The following VPS13C variants were observed in gnomAD, a reference collection of about 807,000 sequenced individuals.
The protein encoded by VPS13C is vacuolar protein sorting 13 homolog C, also known as intermembrane lipid transfer protein VPS13C.
A neutral mutation model predicts 456.8 loss-of-function variants in VPS13C; 358 were observed. The ratio of observed to expected loss-of-function variants is 0.78; its 90% confidence interval spans 0.72 to 0.86. The LOEUF is 0.86. Ranked by LOEUF, VPS13C falls within the 40% of genes least tolerant of loss-of-function variation. The probability of loss-of-function intolerance (pLI) is 0.00; values close to 1 mark genes in which losing one functional copy is unlikely to be tolerated. For synonymous variants in VPS13C, 1,578 were observed against 1,486.7 expected, an observed-to-expected ratio of 1.06 and a Z score of -1.41; for missense variants, 4,818 against 4,385.4, an observed-to-expected ratio of 1.10 and a Z score of -2.79.
At chr15:61,935,868 G>A (rs1000336739) in intron 48 of VPS13C, 3 of 152,134 alleles carry the variant, frequency 2.0e-5, no homozygotes, top group Non-Finnish European at 4.4e-5. Flanking sequence ...ACAGCTGATG[G>A]TATGAGAGCA....
In VPS13C at chr15:62,002,403, T is replaced by C. The variant is rs535785861; in HGVS notation, c.1291-1777A>G. Among the ~76,000 whole-genome samples, 18 of 152,318 alleles carry C rather than the reference T, an allele frequency of 1.2e-4. No individual in the cohort carries two copies. The East Asian group carries it at 1.9e-3, about 16-fold the overall frequency. ...CTTGTAAATTTGTTTGAGTTCATTA[T>C]AGATTCTGGATATTAGTCCTTTGTT... On this transcript the variant is annotated intron_variant, in intron 15 of 84. Transcript: ENST00000644861.
At chr15:61,970,800 T>C (rs1030199700) in intron 27 of VPS13C, among the ~76,000 whole-genome samples, 2 of 150,998 alleles carry the variant, frequency 1.3e-5, no homozygotes, top group African/African-American at 4.9e-5. Flanking sequence ...TGCTGTCTTG[T>C]CTTGGGTGGT....
At chr15:61,958,763 G>C in intron 36 of VPS13C, 47 bp from the exon 37 acceptor site, 1 of 1,019,552 alleles carries the variant, frequency 9.8e-7, no homozygotes, top group Non-Finnish European at 1.4e-6. Context: ...GTTTTAAAAT[G>C]AAACAATTTT....
chr15:62,037,263 T>A (rs367850653), intron 3 of VPS13C, among the ~76,000 whole-genome samples: 301 of 25,420 alleles, frequency 0.012, 18 homozygotes, highest in East Asian at 0.11. Context: ...TTATATATAT[T>A]ATATTATATA....
At chr15:61,896,754 C>T (rs1354093247) in intron 66 of VPS13C, among the ~76,000 whole-genome samples, 1 of 152,238 alleles carries the variant, frequency 6.6e-6, no homozygotes, top group Non-Finnish European at 1.5e-5. Flanking sequence ...CCCACCACAG[C>T]TCAAGGAGGC....
At chr15:61,954,290 T>C (rs2044906056) in intron 38 of VPS13C, 131 bp downstream of exon 38, 3 of 942,832 alleles carry the variant, frequency 3.2e-6, no homozygotes, top group East Asian at 2.8e-5. Context: ...TTTTAAAACA[T>C]CACTGCTACA....
chr15:61,854,987 T>A, intron 83 of VPS13C, 33 bp from the exon 84 acceptor site: 2 of 1,559,260 alleles, frequency 1.3e-6, no homozygotes, highest in Non-Finnish European at 1.7e-6. Flanking sequence ...AGAAAAGAAA[T>A]TATTCTGAGG....
chr15:62,011,755 G>C (rs1351256566), intron 12 of VPS13C, among the ~76,000 whole-genome samples: 1 of 151,930 alleles, frequency 6.6e-6, no homozygotes, highest in African/African-American at 2.4e-5. Context: ...AGGGTGACCT[G>C]AATACCAGAA....
At chr15:61,959,657 A>G (rs2045129214) in intron 35 of VPS13C, 62 bp from the exon 36 acceptor site, 1 of 1,537,708 alleles carries the variant, frequency 6.5e-7, no homozygotes, top group African/African-American at 1.4e-5. Flanking sequence ...ACATATTAAA[A>G]AAAAGCAAAG....
intron 73 of VPS13C, among the ~76,000 whole-genome samples, 166 bp downstream of exon 73, chr15:61,880,443 T>C (rs2140902125): frequency 6.6e-6 from 1 of 152,270 alleles, no homozygotes; most frequent in Non-Finnish European, 1.5e-5. Flanking sequence ...GTGGGAATTG[T>C]GGCTGCACAT....
chr15:61,873,721 G>A (rs947079108), intron 77 of VPS13C, among the ~76,000 whole-genome samples: 2 of 151,842 alleles, frequency 1.3e-5, no homozygotes, highest in Admixed American at 1.3e-4. Context: ...CACTGAGAGT[G>A]GAAATATAAC....
Position 61,863,535 on chromosome 15 carries a change from A to G in VPS13C, c.10864-7T>C. 1 of 1,603,356 alleles carries G rather than the reference A, an allele frequency of 6.2e-7. No individual in the cohort carries two copies. Among genetic ancestry groups the G allele is most frequent in the Non-Finnish European group, 8.5e-7 (1 of 1,170,698 alleles). ...CCAACTTTTTGATATGATTCTGAAAAGGAAACCAGGCTCTAGATTTGGGAA... is the reference window on the plus strand; with the variant it reads ...CCAACTTTTTGATATGATTCTGAAAGGGAAACCAGGCTCTAGATTTGGGAA... On this transcript the variant is annotated splice_region_variant and splice_polypyrimidine_tract_variant and intron_variant, in intron 81 of 84. Coordinates refer to ENST00000644861, the MANE Select transcript of VPS13C (RefSeq NM_020821.3).
Position 61,999,766 on chromosome 15 carries a change from CAGT to C in VPS13C, c.1353+795_1353+797del, listed in dbSNP as rs529931069. On this transcript the variant is annotated intron_variant, in intron 16 of 84. Transcript: ENST00000644861. ...TAAATAAGCAGTTATAAAACATTAT[CAGT>C]AGATCATTTCCAATTTCAGAAAGAA... is the stretch of plus-strand genomic sequence containing the variant. 3.1e-3 allele frequency among the ~76,000 whole-genome samples: 456 copies of C among 147,340 alleles called. 2 individuals are homozygous for C. Among genetic ancestry groups the C allele is most frequent in the African/African-American group, 0.011 (435 of 39,898 alleles).
chr15:61,994,459 G>A (rs1467147192), intron 16 of VPS13C, among the ~76,000 whole-genome samples: 1 of 152,156 alleles, frequency 6.6e-6, no homozygotes, highest in African/African-American at 2.4e-5. Flanking sequence ...ATTTGCCTGT[G>A]AGAAAATAAG....
At chr15:62,041,041 C>T (rs2048225510) in intron 3 of VPS13C, among the ~76,000 whole-genome samples, 1 of 152,098 alleles carries the variant, frequency 6.6e-6, no homozygotes, top group Non-Finnish European at 1.5e-5. Flanking sequence ...ACTTGGAAAT[C>T]TAATCTGAAA....
rs1188960583 is a variant in VPS13C, at chr15:61,923,861, C to CTT, written c.6610-1101_6610-1100dup. The stretch of plus-strand genomic sequence containing the variant: ...GCCATATGTGACCACCCCTCTAAAT[C>CTT]TTTTTTTTTTTTTTTTTTTTTTGAG... On this transcript the variant is annotated intron_variant, in intron 53 of 84. Transcript: ENST00000644861. Among the ~76,000 whole-genome samples, 227 of 75,136 alleles carry CTT rather than the reference C, an allele frequency of 3.0e-3. 18 individuals carry two copies. The highest frequency in any genetic ancestry group is 4.0e-3 in the African/African-American group (71 of 17,620). 49.3% of individuals were successfully genotyped at this position (75,136 alleles called of 152,430 possible). A position where few individuals can be genotyped will look rare whatever the true frequency, so the allele number is the denominator to read the frequency against.
intron 66 of VPS13C, among the ~76,000 whole-genome samples, chr15:61,894,931 T>C (rs1004243727): frequency 6.6e-6 from 1 of 152,200 alleles, no homozygotes; most frequent in Non-Finnish European, 1.5e-5. Context: ...TGCTGCAGAA[T>C]ACACGTTCTT....
rs561756708 is a variant in VPS13C, at chr15:61,973,906, T to C, written c.2539-374A>G. 3.3e-5 allele frequency among the ~76,000 whole-genome samples: 5 copies of C among 152,198 alleles called. No individual in the cohort carries two copies. In the East Asian group the frequency reaches 9.7e-4, roughly 29 times the overall value. ...GGCTTTATCAAATTTCATTTCAAAGTAGAAATCCAACATTTCTACTGTGTA... is the reference window on the plus strand; with the variant it reads ...GGCTTTATCAAATTTCATTTCAAAGCAGAAATCCAACATTTCTACTGTGTA... On this transcript the variant is annotated intron_variant, in intron 25 of 84. Coordinates refer to ENST00000644861, the MANE Select transcript of VPS13C (RefSeq NM_020821.3).
At chr15:61,926,156 T>C (rs976109923) in intron 52 of VPS13C, among the ~76,000 whole-genome samples, 1 of 152,158 alleles carries the variant, frequency 6.6e-6, no homozygotes, top group African/African-American at 2.4e-5. Flanking sequence ...CCCGGCACTT[T>C]TGGAGGCCAA....
Sources: gnomAD v4.1 joint callset for allele counts (sites outside exome capture counted in the v4.1 genomes callset) on GRCh38, gnomAD v4.1.1 for gene constraint, MANE v1.5 for transcripts, NCBI Gene and HGNC (gene_info 2026-07-23, HGNC 2026-07-21) for gene names.